HIVEP2: variants seen among roughly 807,000 people sequenced by gnomAD.
HIVEP2 encodes HIVEP zinc finger 2.
In HIVEP2, 14 loss-of-function variants were observed where a neutral mutation model predicts 180.7. The observed-to-expected ratio is 0.08, with a 90% confidence interval of 0.05 to 0.12. The LOEUF (loss-of-function observed/expected upper bound fraction) is 0.12. Ranked by LOEUF, HIVEP2 falls within the 10% of genes least tolerant of loss-of-function variation. The pLI is 1.00. For missense variants in HIVEP2, 2,579 were observed against 3,008.5 expected (o/e 0.86, Z 3.34); for synonymous variants, 1,184 against 1,136.4 (o/e 1.04, Z -0.84).
chr6:142,835,821 T>G (rs1013102812), intron 2 of HIVEP2, among the ~76,000 whole-genome samples: 2 of 152,198 alleles, frequency 1.3e-5, no homozygotes, highest in South Asian at 4.1e-4. Context: ...GAGATTATTT[T>G]AGACAAAGGG....
intron 1 of HIVEP2, among the ~76,000 whole-genome samples, chr6:142,913,346 A>G (rs1015647915): frequency 2.6e-5 from 4 of 152,328 alleles, no homozygotes; most frequent in African/African-American, 9.6e-5. Flanking sequence ...AGTATGAACA[A>G]TATCTGATTT....
rs1775564672 is a variant in HIVEP2 at position 142,772,257 on chromosome 6, C to A, written c.2482G>T (p.Asp828Tyr). The A allele has an allele frequency of 6.2e-7, 1 of 1,614,094 alleles. No homozygotes were observed. Among genetic ancestry groups the A allele is most frequent in the Admixed American group, 1.7e-5 (1 of 60,012 alleles). Residue 828 changes from aspartate (D) to tyrosine (Y), a missense_variant, in exon 5 of 10, where the codon GAT becomes TAT. Transcript: ENST00000367603. The surrounding 1 kb of genome is among the most constrained non-coding windows in gnomAD (Gnocchi z 4.9). ...GTCTCTGAAGGGGAAGGGGCTTTAT[C>A]CTGTGTGCAAGCCACAAGTTCGGCT... is the stretch of plus-strand genomic sequence containing the variant. The part of the protein sequence containing the change: ...ESAELVACTQ[D>Y]KAPSPSETCD...
chr6:142,809,215 T>C (rs1384012346), intron 2 of HIVEP2, among the ~76,000 whole-genome samples: 1 of 152,118 alleles, frequency 6.6e-6, no homozygotes, highest in Admixed American at 6.6e-5. Flanking sequence ...GTCAGGTCTC[T>C]AATCTGAAGT....
chr6:142,926,513 G>GA (rs1468328077), intron 1 of HIVEP2, among the ~76,000 whole-genome samples: 1 of 152,240 alleles, frequency 6.6e-6, no homozygotes, highest in African/African-American at 2.4e-5. Flanking sequence ...TTTGTGAAAA[G>GA]AAAGAGCGTA....
At chr6:142,929,032 G>C (rs189355031) in intron 1 of HIVEP2, among the ~76,000 whole-genome samples, 1 of 152,188 alleles carries the variant, frequency 6.6e-6, no homozygotes, top group Non-Finnish European at 1.5e-5. Context: ...TTTCCTGAAT[G>C]ATCTTACACC....
At chr6:142,788,852 T>G (rs139863938) in intron 2 of HIVEP2, among the ~76,000 whole-genome samples, 1 of 152,206 alleles carries the variant, frequency 6.6e-6, no homozygotes, top group Non-Finnish European at 1.5e-5. Context: ...CAAGAGGGAA[T>G]GGTCACTCCT....
rs561978771 is a variant in HIVEP2, at chr6:142,902,856, G to A, written c.-641+42243C>T. Among the ~76,000 whole-genome samples, 15 of 152,304 alleles carry A rather than the reference G, an allele frequency of 9.8e-5. No individual in the cohort carries two copies. In the South Asian group the frequency reaches 3.1e-3, roughly 32 times the overall value. On this transcript the variant is annotated intron_variant, in intron 1 of 9. Transcript: ENST00000367603. The stretch of plus-strand genomic sequence containing the variant: ...AGGCATTCCCCAGCCTCTTGGCTGG[G>A]TGACAGCAACCACAGCAGCCCACAA...
Position 142,773,085 on chromosome 6 carries a change from T to A in HIVEP2, c.1654A>T (p.Thr552Ser), listed in dbSNP as rs565638903. The change falls in exon 5 of 10, where the codon ACT becomes TCT. Residue 552 changes from threonine (T) to serine (S), a missense_variant. Around this residue, in one of 11 missense-constraint regions of HIVEP2, gnomAD observed 524 missense variants for 563.6 expected, o/e 0.93. Coordinates refer to ENST00000367603, the MANE Select transcript of HIVEP2 (RefSeq NM_006734.4). Reference protein sequence around the residue: ...RSNSVPTSSATNLTIPPSLRG... With the variant: ...RSNSVPTSSASNLTIPPSLRG... ...AAAGAAGGAGGAATAGTTAGATTAG[T>A]TGCTGAAGAAGTTGGCACTGAGTTG... The A allele has an allele frequency of 6.2e-7, 1 of 1,614,236 alleles. No homozygotes were observed.
rs72997026 is a variant in HIVEP2 at position 142,918,481 on chromosome 6, C to T, written c.-641+26618G>A. 6.2e-3 allele frequency among the ~76,000 whole-genome samples: 944 copies of T among 152,358 alleles called. 6 individuals are homozygous for T. The highest frequency in any genetic ancestry group is 0.013 in the South Asian group (64 of 4,834). On this transcript the variant is annotated intron_variant, in intron 1 of 9. Coordinates refer to ENST00000367603, the MANE Select transcript of HIVEP2 (RefSeq NM_006734.4). Reference sequence around the variant, plus strand: ...TCCACCCTAAAGCTTTAACAGACCGCGTGCCTCCTAACGACAGCATCTGGA... The same window carrying T: ...TCCACCCTAAAGCTTTAACAGACCGTGTGCCTCCTAACGACAGCATCTGGA...
At chr6:142,761,755 C>T (rs976130703) in intron 7 of HIVEP2, among the ~76,000 whole-genome samples, 190 bp from the exon 8 acceptor site, 3 of 152,118 alleles carry the variant, frequency 2.0e-5, no homozygotes, top group Non-Finnish European at 2.9e-5. Context: ...GATATCAATC[C>T]CTGAGAGCTT....
chr6:142,829,282 G>T (rs549161769), intron 2 of HIVEP2, among the ~76,000 whole-genome samples: 1 of 151,940 alleles, frequency 6.6e-6, no homozygotes, highest in South Asian at 2.1e-4. Context: ...CCAATGTTAT[G>T]TTCCAAACAT....
At chr6:142,944,589 T>C (rs1778265337) in intron 1 of HIVEP2, among the ~76,000 whole-genome samples, 1 of 152,154 alleles carries the variant, frequency 6.6e-6, no homozygotes, top group African/African-American at 2.4e-5. Flanking sequence ...CAGCCGGCAG[T>C]GCCGCCGCGG....
intron 2 of HIVEP2, among the ~76,000 whole-genome samples, chr6:142,797,690 C>G (rs1210676947): frequency 6.6e-6 from 1 of 152,132 alleles, no homozygotes; most frequent in East Asian, 1.9e-4. Context: ...AGACCACACT[C>G]ACACAACTTG....
chr6:142,791,464 T>C (rs1395226944), intron 2 of HIVEP2, among the ~76,000 whole-genome samples: 2 of 152,220 alleles, frequency 1.3e-5, no homozygotes, highest in African/African-American at 4.8e-5. Flanking sequence ...ATGGCATTCA[T>C]ACTTTTGGTC....
intron 2 of HIVEP2, among the ~76,000 whole-genome samples, chr6:142,797,885 C>T (rs959771478): frequency 6.6e-6 from 1 of 151,836 alleles, no homozygotes; most frequent in Admixed American, 6.6e-5. Flanking sequence ...GGAATATATC[C>T]CCCTTGGATA....
At chr6:142,899,672 G>A (rs1037776276) in intron 1 of HIVEP2, among the ~76,000 whole-genome samples, 12 of 152,188 alleles carry the variant, frequency 7.9e-5, no homozygotes, top group African/African-American at 2.4e-4. Context: ...TAAACTCTAC[G>A]AGAGTGCAGC....
intron 2 of HIVEP2, among the ~76,000 whole-genome samples, chr6:142,784,642 G>A (rs767412627): frequency 6.6e-6 from 1 of 152,204 alleles, no homozygotes; most frequent in Non-Finnish European, 1.5e-5. Context: ...GGTCACATAA[G>A]ATTCTGGTGC....
intron 1 of HIVEP2, among the ~76,000 whole-genome samples, chr6:142,915,305 G>C (rs1276580582): frequency 6.6e-6 from 1 of 152,168 alleles, no homozygotes; most frequent in East Asian, 1.9e-4. Flanking sequence ...CTGTAGTAGG[G>C]TGGGCCCCTT....
intron 1 of HIVEP2, among the ~76,000 whole-genome samples, chr6:142,842,737 T>C (rs1344457805): frequency 6.6e-6 from 1 of 151,836 alleles, no homozygotes; most frequent in African/African-American, 2.4e-5. Flanking sequence ...GTAAGCACTT[T>C]AAGTGAAAAA....
Sources: gnomAD v4.1 joint callset for allele counts (sites outside exome capture counted in the v4.1 genomes callset) on GRCh38, gnomAD v4.1.1 for gene constraint, gnomAD v4.1.1 regional missense constraint, Gnocchi (gnomAD v3.1) non-coding constraint, MANE v1.5 for transcripts, NCBI Gene and HGNC (gene_info 2026-07-23, HGNC 2026-07-21) for gene names.